Variants in GLCE observed in about 807,000 individuals in gnomAD.
The protein encoded by GLCE is D-glucuronyl C5-epimerase.
In GLCE, 19 loss-of-function variants were observed where a neutral mutation model predicts 47.9. That is an observed-to-expected ratio of 0.40 (90% CI 0.28 to 0.58). GLCE has a LOEUF of 0.58. Ranked by LOEUF, GLCE falls within the 20% of genes least tolerant of loss-of-function variation. The pLI is 0.48. For synonymous variants in GLCE, 245 were observed against 263.4 expected, an observed-to-expected ratio of 0.93 and a Z score of 0.68; for missense variants, 556 against 743.3, an observed-to-expected ratio of 0.75 and a Z score of 2.93.
At chr15:69,163,480 T>C (rs570092195) in intron 1 of GLCE, among the ~76,000 whole-genome samples, 2 of 152,322 alleles carry the variant, frequency 1.3e-5, no homozygotes, top group African/African-American at 2.4e-5. Context: ...ATACGATTGA[T>C]GTGTGTTGTG....
chr15:69,167,426 T>C (rs1317091859), intron 1 of GLCE, among the ~76,000 whole-genome samples: 1 of 152,212 alleles, frequency 6.6e-6, no homozygotes, highest in Non-Finnish European at 1.5e-5. Flanking sequence ...CTGAAGCACA[T>C]GGTTCCCTAA....
At chr15:69,163,473 C>A (rs1319709365) in intron 1 of GLCE, among the ~76,000 whole-genome samples, 1 of 152,178 alleles carries the variant, frequency 6.6e-6, no homozygotes, top group Non-Finnish European at 1.5e-5. Flanking sequence ...AATGATGATA[C>A]GATTGATGTG....
chr15:69,230,546 A>G (rs1176847210), intron 2 of GLCE, among the ~76,000 whole-genome samples: 1 of 152,224 alleles, frequency 6.6e-6, no homozygotes, highest in Non-Finnish European at 1.5e-5. Flanking sequence ...CACAAGAGGC[A>G]TGATTTATCC....
At chr15:69,173,824 C>A (rs1389591725) in intron 1 of GLCE, among the ~76,000 whole-genome samples, 1 of 152,118 alleles carries the variant, frequency 6.6e-6, no homozygotes, top group Admixed American at 6.5e-5. Context: ...TCCTGATAAT[C>A]AAAATCTGAA....
chr15:69,201,589 T>A (rs972264696), intron 1 of GLCE, among the ~76,000 whole-genome samples: 2 of 149,672 alleles, frequency 1.3e-5, no homozygotes, highest in Non-Finnish European at 3.0e-5. Context: ...GTTTTGGCCC[T>A]TTCCTCATCC....
chr15:69,237,749 G>A (rs1255472240), intron 2 of GLCE, among the ~76,000 whole-genome samples: 1 of 152,128 alleles, frequency 6.6e-6, no homozygotes, highest in Non-Finnish European at 1.5e-5. Flanking sequence ...TTTGCAGGAT[G>A]GCGCCAAACT....
intron 1 of GLCE, among the ~76,000 whole-genome samples, chr15:69,162,905 T>TA (rs1192548236): frequency 6.6e-6 from 1 of 151,998 alleles, no homozygotes; most frequent in East Asian, 1.9e-4. Context: ...CAATTTTTTT[T>TA]AAAAGATGTC....
At chr15:69,220,823 T>C (rs1375865101) in intron 2 of GLCE, among the ~76,000 whole-genome samples, 1 of 152,228 alleles carries the variant, frequency 6.6e-6, no homozygotes, top group East Asian at 1.9e-4. Flanking sequence ...GTTGCTTGTG[T>C]CTTTGAGTAA....
intron 1 of GLCE, among the ~76,000 whole-genome samples, chr15:69,174,264 A>G (rs1278355350): frequency 2.6e-5 from 4 of 152,096 alleles, no homozygotes; most frequent in South Asian, 2.1e-4. Context: ...AGATGATGGC[A>G]TAAGTATCAT....
At chr15:69,217,359 T>C (rs1453431368) in intron 2 of GLCE, among the ~76,000 whole-genome samples, 1 of 151,480 alleles carries the variant, frequency 6.6e-6, no homozygotes, top group East Asian at 1.9e-4. Flanking sequence ...TAAGACCAAC[T>C]GTTTTCCAAG....
At chr15:69,230,259 G>T (rs73434999) in intron 2 of GLCE, among the ~76,000 whole-genome samples, 5,443 of 150,874 alleles carry the variant, frequency 0.036, 328 homozygotes, top group African/African-American at 0.13. Context: ...AAGATATACC[G>T]TGTAGACACT....
At position 69,186,109 on chromosome 15, in the gene GLCE, CT is replaced by C. The variant is rs539041694; in HGVS notation, c.-104-24206del. 3.9e-5 allele frequency among the ~76,000 whole-genome samples: 6 copies of C among 152,256 alleles called. No individual in the cohort carries two copies. In the South Asian group the frequency reaches 1.0e-3, roughly 26 times the overall value. ...ATGTCCTCCCTGGGTATGCTACCCCCTGGGAACCTCCGTATGTTCAGCTATC... is the reference window on the plus strand; with the variant it reads ...ATGTCCTCCCTGGGTATGCTACCCCCGGGAACCTCCGTATGTTCAGCTATC... On this transcript the variant is annotated intron_variant, in intron 1 of 4. Coordinates refer to ENST00000261858, the MANE Select transcript of GLCE (RefSeq NM_015554.3).
At chr15:69,164,985 G>A (rs1404564715) in intron 1 of GLCE, among the ~76,000 whole-genome samples, 1 of 151,894 alleles carries the variant, frequency 6.6e-6, no homozygotes, top group African/African-American at 2.4e-5. Flanking sequence ...TTTCTGAAGT[G>A]CAAATCTATT....
chr15:69,213,776 AT>A (rs1438386240), intron 2 of GLCE, among the ~76,000 whole-genome samples: 4 of 151,898 alleles, frequency 2.6e-5, no homozygotes, highest in Non-Finnish European at 5.9e-5. Context: ...TTTAGTGGTG[AT>A]TTTCTATTCT....
Position 69,268,622 on chromosome 15 carries a change from G to A in GLCE, c.1232G>A (p.Trp411Ter). 1.2e-6 allele frequency: 2 copies of A among 1,614,202 alleles called. No individual in the cohort carries two copies. Residue 411 changes from tryptophan (W) to a stop codon, truncating the protein, a stop_gained, in exon 5 of 5, where the codon TGG (tryptophan) becomes TAG (stop). Transcript: ENST00000261858. LOFTEE classifies it high-confidence loss of function. Reference protein sequence around the residue: ...HMAAFFAASDWLVRNQDEKGG... With the variant: ...HMAAFFAASD ...GCTGCATTTTTTGCTGCTAGTGATT[G>A]GCTAGTAAGGAACCAGGATGAGAAA...
intron 1 of GLCE, 56 bp from the exon 2 acceptor site, chr15:69,210,260 C>T (rs2052213105): frequency 2.0e-5 from 3 of 152,082 alleles, no homozygotes; most frequent in Admixed American, 1.3e-4. Context: ...CATGTGATTA[C>T]CCCATCTTAT....
At chr15:69,183,607 A>G (rs1455833914) in intron 1 of GLCE, among the ~76,000 whole-genome samples, 1 of 152,240 alleles carries the variant, frequency 6.6e-6, no homozygotes, top group Non-Finnish European at 1.5e-5. Flanking sequence ...CTGTAAACCA[A>G]TGAGAATTCC....
chr15:69,172,606 G>C (rs928573551), intron 1 of GLCE, among the ~76,000 whole-genome samples: 2 of 151,774 alleles, frequency 1.3e-5, no homozygotes, highest in South Asian at 2.1e-4. Context: ...TCCTCTTAAC[G>C]ATATCTTTTT....
intron 1 of GLCE, among the ~76,000 whole-genome samples, chr15:69,164,552 A>G (rs549322209): frequency 6.6e-6 from 1 of 150,842 alleles, no homozygotes; most frequent in East Asian, 1.9e-4. Flanking sequence ...AATATGTATA[A>G]TATATAAAAT....
Sources: gnomAD v4.1 joint callset for allele counts (sites outside exome capture counted in the v4.1 genomes callset) on GRCh38, gnomAD v4.1.1 for gene constraint, MANE v1.5 for transcripts, NCBI Gene and HGNC (gene_info 2026-07-23, HGNC 2026-07-21) for gene names.